The following ADORA2B variants were observed in gnomAD, a reference collection of about 807,000 sequenced individuals.
ADORA2B encodes adenosine A2b receptor, also known as adenosine receptor A2b.
Under a neutral mutation model 20.8 loss-of-function variants are expected in ADORA2B, and 18 were observed. That is an observed-to-expected ratio of 0.87 (90% CI 0.60 to 1.29). The LOEUF is 1.29. ADORA2B is among the 50% of genes most tolerant of loss of function. The probability of loss-of-function intolerance (pLI) is 0.00; values close to 1 mark genes in which losing one functional copy is unlikely to be tolerated. For missense variants in ADORA2B, 441 were observed against 422.7 expected (o/e 1.04, Z -0.38); for synonymous variants, 179 against 178.3 (o/e 1.00, Z -0.03).
At chr17:15,935,677 G>A in the ADORA2B span, among the ~76,000 whole-genome samples, 9 of 151,660 alleles carry the variant, frequency 5.9e-5, no homozygotes, top group South Asian at 2.1e-4. Context: ...CTGATTTTGC[G>A]TATATTGGTA....
intron 1 of ADORA2B, among the ~76,000 whole-genome samples, chr17:15,959,096 T>C (rs953635056): frequency 6.6e-6 from 1 of 152,078 alleles, no homozygotes; most frequent in African/African-American, 2.4e-5. Flanking sequence ...AGAGGAGAGA[T>C]AGGAGAAACT....
the ADORA2B span, among the ~76,000 whole-genome samples, chr17:15,883,386 C>T: frequency 1.3e-5 from 2 of 152,202 alleles, no homozygotes; most frequent in Admixed American, 1.3e-4. Flanking sequence ...CTTAATGTCT[C>T]TCCACATAGG....
the ADORA2B span, among the ~76,000 whole-genome samples, chr17:15,927,008 T>C: frequency 2.0e-5 from 3 of 152,088 alleles, no homozygotes; most frequent in East Asian, 5.8e-4. Context: ...AGCAATCTCT[T>C]TGGTAGCCAT....
At chr17:15,918,786 T>A in the ADORA2B span, among the ~76,000 whole-genome samples, 1 of 152,134 alleles carries the variant, frequency 6.6e-6, no homozygotes, top group Non-Finnish European at 1.5e-5. Flanking sequence ...AATAATTTCT[T>A]AGCGTAAGTA....
the ADORA2B span, among the ~76,000 whole-genome samples, chr17:15,912,456 A>G: frequency 6.6e-6 from 1 of 151,788 alleles, no homozygotes; most frequent in Non-Finnish European, 1.5e-5. Flanking sequence ...TTTTCCTCCC[A>G]GGGAAGCCAC....
the ADORA2B span, among the ~76,000 whole-genome samples, chr17:15,898,529 T>G: frequency 6.7e-6 from 1 of 148,540 alleles, no homozygotes; most frequent in Non-Finnish European, 1.5e-5. Context: ...CTACCACACA[T>G]GGCTAATTTT....
chr17:15,961,529 G>A (rs1970042964), intron 1 of ADORA2B, among the ~76,000 whole-genome samples: 1 of 152,178 alleles, frequency 6.6e-6, no homozygotes, highest in Non-Finnish European at 1.5e-5. Context: ...CACTGTAAGG[G>A]TATGTTTTCC....
intron 1 of ADORA2B, among the ~76,000 whole-genome samples, chr17:15,972,135 C>A (rs1970195469): frequency 6.6e-6 from 1 of 152,086 alleles, no homozygotes; most frequent in African/African-American, 2.4e-5. Context: ...AAGAGGTGAG[C>A]AAGAAAGGAA....
the ADORA2B span, among the ~76,000 whole-genome samples, chr17:15,891,188 C>T: frequency 6.6e-6 from 1 of 152,180 alleles, no homozygotes; most frequent in Admixed American, 6.5e-5. Flanking sequence ...ATCGCTTGAA[C>T]CTGGGAGGTA....
At chr17:15,862,338 C>G in the ADORA2B span, among the ~76,000 whole-genome samples, 1 of 150,872 alleles carries the variant, frequency 6.6e-6, no homozygotes, top group Non-Finnish European at 1.5e-5. Flanking sequence ...GCCTCAGCCT[C>G]CTGAGTAGCT....
chr17:15,858,518 T>C, the ADORA2B span, among the ~76,000 whole-genome samples: 30 of 152,298 alleles, frequency 2.0e-4, no homozygotes, highest in East Asian at 3.7e-3. Flanking sequence ...AGGGAGACTT[T>C]CTCTTCACTA....
chr17:15,918,995 A>C, the ADORA2B span, among the ~76,000 whole-genome samples: 2 of 152,052 alleles, frequency 1.3e-5, no homozygotes, highest in Non-Finnish European at 2.9e-5. Flanking sequence ...CCCACCACCA[A>C]CATCCGGTTT....
At chr17:15,911,558 A>G in the ADORA2B span, among the ~76,000 whole-genome samples, 1 of 152,142 alleles carries the variant, frequency 6.6e-6, no homozygotes, top group Non-Finnish European at 1.5e-5. Flanking sequence ...GCCCCTCTCC[A>G]GTGGGAGCCC....
At position 15,958,017 on chromosome 17, in the gene ADORA2B, CCT is replaced by C. The variant is rs1491497079; in HGVS notation, c.335+12435_335+12436del. Among the ~76,000 whole-genome samples the C allele has an allele frequency of 8.9e-5, 12 of 135,536 alleles. 2 individuals are homozygous for C. Among genetic ancestry groups the C allele is most frequent in the African/African-American group, 1.7e-4 (6 of 35,716 alleles). 88.9% of individuals were successfully genotyped at this position (135,536 alleles called of 152,430 possible). ...GAACCAGGACCTGTCAGGTACACTT[CCT>C]TTTTTTTTTTTTTTCTTGAGACAGA... On this transcript the variant is annotated intron_variant, in intron 1 of 1. Transcript: ENST00000304222.
At chr17:15,922,746 G>T in the ADORA2B span, among the ~76,000 whole-genome samples, 2 of 152,268 alleles carry the variant, frequency 1.3e-5, no homozygotes, top group African/African-American at 4.8e-5. Context: ...TGCTTCTGAC[G>T]GAACATGCCA....
At chr17:15,881,392 C>T in the ADORA2B span, among the ~76,000 whole-genome samples, 9 of 152,352 alleles carry the variant, frequency 5.9e-5, no homozygotes, top group South Asian at 8.3e-4. Context: ...TGAGCCACCA[C>T]GCCCGGCCTC....
chr17:15,907,862 G>T, the ADORA2B span, among the ~76,000 whole-genome samples: 3 of 152,108 alleles, frequency 2.0e-5, no homozygotes, highest in Non-Finnish European at 4.4e-5. Flanking sequence ...GTGAGCGTAC[G>T]CTGCACACTA....
At chr17:15,944,514 C>G (rs1018420960), upstream of ADORA2B, among the ~76,000 whole-genome samples, 10 of 152,234 alleles carry the variant, frequency 6.6e-5, no homozygotes, top group South Asian at 6.2e-4. This position sits in a 1 kb window ranked among gnomAD's most constrained non-coding sequence, Gnocchi z 4.8. Flanking sequence ...GCCGTAGGGG[C>G]AGTGGCGCGG....
chr17:15,859,038 G>A, the ADORA2B span, among the ~76,000 whole-genome samples: 1 of 152,218 alleles, frequency 6.6e-6, no homozygotes, highest in African/African-American at 2.4e-5. Flanking sequence ...TGCCCAGGCT[G>A]GTCTTGAACT....
Sources: allele counts gnomAD v4.1 joint callset (sites outside exome capture counted in the v4.1 genomes callset), GRCh38; gene constraint gnomAD v4.1.1; non-coding constraint Gnocchi (gnomAD v3.1); transcripts MANE v1.5; gene names NCBI Gene and HGNC (gene_info 2026-07-23, HGNC 2026-07-21).